PLXDC1: variants seen among roughly 807,000 people sequenced by gnomAD.
PLXDC1 encodes the protein plexin domain-containing protein 1.
In PLXDC1, 39 loss-of-function variants were observed where a neutral mutation model predicts 61.3. The ratio of observed to expected loss-of-function variants is 0.64; its 90% CI spans 0.49 to 0.83. The LOEUF (loss-of-function observed/expected upper bound fraction) is 0.83, where lower values mean the gene tolerates loss of function less well. PLXDC1 is among the 40% of genes least tolerant of loss of function. The pLI, the probability that PLXDC1 is intolerant of heterozygous loss-of-function variation, is 0.00. For missense variants in PLXDC1, 596 were observed against 666.5 expected (o/e 0.89, Z 1.17); for synonymous variants, 212 against 254.5 (o/e 0.83, Z 1.59).
rs1028536683 is a variant in PLXDC1, at chr17:39,065,474, C to T, written c.*2366G>A. ...AGTACAGTGGCATGATTATGACCCCCCACTGCAGCCTCAACCTCCCGGGCT... is the reference window on the plus strand; with the variant it reads ...AGTACAGTGGCATGATTATGACCCCTCACTGCAGCCTCAACCTCCCGGGCT... On this transcript the variant is annotated 3_prime_UTR_variant, in exon 14 of 14. Transcript: ENST00000315392. 3 of 150,904 alleles carry T rather than the reference C, an allele frequency of 2.0e-5. No individual in the cohort carries two copies. Among genetic ancestry groups the T allele is most frequent in the African/African-American group, 4.9e-5 (2 of 40,880 alleles). 9.3% of individuals were successfully genotyped at this position (150,904 alleles called of 1,614,324 possible).
In PLXDC1 at chr17:39,067,902, A is replaced by G; in HGVS notation, c.1441T>C (p.Tyr481His). Residue 481 changes from tyrosine to histidine, a missense_variant, in exon 14 of 14, where the codon TAT becomes CAT. Coordinates refer to ENST00000315392, the MANE Select transcript of PLXDC1 (RefSeq NM_020405.5). ...TGGCCCGAGGGCTCCACCTCCGCAT[A>G]GGTGGAATGGTCAGGGTGGCTGCGA... is the stretch of plus-strand genomic sequence containing the variant. ...KFRSHPDHST[Y>H]AEVEPSGHEK... is the part of the protein sequence containing the mutation. 6.2e-7 allele frequency: 1 copy of G among 1,614,002 alleles called. No homozygotes were observed. Among genetic ancestry groups the G allele is most frequent in the Non-Finnish European group, 8.5e-7 (1 of 1,179,876 alleles).
chr17:39,075,347 G>A (rs62076607), intron 11 of PLXDC1, among the ~76,000 whole-genome samples: 33,254 of 152,188 alleles, frequency 0.22, 4,742 homozygotes, highest in Admixed American at 0.39. Context: ...CAACTTCAGA[G>A]TAATGGGAGC....
Position 39,070,005 on chromosome 17 carries a change from T to G in PLXDC1, c.1234A>C (p.Asn412His), listed in dbSNP as rs1481737576. Reference protein sequence around the residue: ...PYAGGDGLQNNLSPKTKGTPV... With the variant: ...PYAGGDGLQNHLSPKTKGTPV... ...GTGCCCTTTGTCTTGGGGGACAGGT[T>G]GTTCTGAAGGCCTGTGGAGAGATCA... The change falls in exon 13 of 14, where the codon AAC (asparagine) becomes CAC (histidine). Residue 412 changes from asparagine to histidine, a missense_variant. Physicochemically the swap from Asn to His is moderately conservative, Grantham distance 68. Coordinates refer to ENST00000315392, the MANE Select transcript of PLXDC1 (RefSeq NM_020405.5). The G allele has an allele frequency of 1.2e-6, 2 of 1,613,804 alleles. No individual in the cohort carries two copies. The highest frequency in any genetic ancestry group is 1.7e-5 in the Admixed American group (1 of 60,006).
intron 9 of PLXDC1, 29 bp from the exon 10 acceptor site, chr17:39,079,193 T>C (rs904442878): frequency 5.0e-6 from 8 of 1,595,890 alleles, no homozygotes; most frequent in Middle Eastern, 1.7e-4. Flanking sequence ...GACAGAGTTA[T>C]GATGGGATTG....
At chr17:39,119,014 A>C (rs1267865155) in intron 2 of PLXDC1, among the ~76,000 whole-genome samples, 1 of 152,224 alleles carries the variant, frequency 6.6e-6, no homozygotes, top group African/African-American at 2.4e-5. Context: ...CCTTATATAC[A>C]TTTGGCTTCA....
At chr17:39,136,289 TG>T (rs1911750748) in intron 2 of PLXDC1, among the ~76,000 whole-genome samples, 1 of 152,198 alleles carries the variant, frequency 6.6e-6, no homozygotes, top group Non-Finnish European at 1.5e-5. Flanking sequence ...GGCACCTACC[TG>T]GGGTACAACA....
At chr17:39,152,019 G>C (rs974629666), upstream of PLXDC1, among the ~76,000 whole-genome samples, 7 of 152,016 alleles carry the variant, frequency 4.6e-5, no homozygotes, top group Non-Finnish European at 1.0e-4. Context: ...GCTCCTCCAA[G>C]CTCTGCGACT....
rs1185646620 is a variant in PLXDC1, at chr17:39,079,178, A to T, written c.990-14T>A. ...CCACTGGAGCATCTGCAGGAGGACC[A>T]AAAGGACAGAGTTATGATGGGATTG... is the stretch of plus-strand genomic sequence containing the variant. On this transcript the variant is annotated splice_polypyrimidine_tract_variant and intron_variant, in intron 9 of 13. Transcript: ENST00000315392. 6.2e-7 allele frequency: 1 copy of T among 1,609,862 alleles called. No individual in the cohort carries two copies. Among genetic ancestry groups the T allele is most frequent in the Admixed American group, 1.7e-5 (1 of 60,004 alleles).
At chr17:39,142,536 T>C (rs79730542) in intron 1 of PLXDC1, among the ~76,000 whole-genome samples, 2,317 of 152,270 alleles carry the variant, frequency 0.015, 26 homozygotes, top group Middle Eastern at 0.027. Flanking sequence ...GCATGCTTTT[T>C]TTGAGACAGG....
chr17:39,116,756 C>T (rs1409028408), intron 2 of PLXDC1, among the ~76,000 whole-genome samples: 1 of 152,240 alleles, frequency 6.6e-6, no homozygotes. Flanking sequence ...AGGCATGGAA[C>T]ATGGATGATC....
intron 1 of PLXDC1, among the ~76,000 whole-genome samples, chr17:39,148,687 G>A (rs1463851123): frequency 6.6e-6 from 1 of 151,790 alleles, no homozygotes; most frequent in Non-Finnish European, 1.5e-5. Context: ...CGCCGGCCTC[G>A]GCCTCCCAGA....
intron 2 of PLXDC1, among the ~76,000 whole-genome samples, chr17:39,120,704 G>A (rs923334578): frequency 7.0e-6 from 1 of 142,378 alleles, no homozygotes; most frequent in Non-Finnish European, 1.5e-5. Flanking sequence ...TGATCCTTCC[G>A]CCTCAGCCTC....
intron 7 of PLXDC1, among the ~76,000 whole-genome samples, chr17:39,104,032 G>A (rs1910513305): frequency 6.6e-6 from 1 of 152,254 alleles, no homozygotes; most frequent in African/African-American, 2.4e-5. Context: ...CCAGCATGAG[G>A]ACACTGCTTG....
At chr17:39,102,832 G>T (rs571122892) in intron 7 of PLXDC1, among the ~76,000 whole-genome samples, 67 of 152,188 alleles carry the variant, frequency 4.4e-4, no homozygotes, top group African/African-American at 1.6e-3. Flanking sequence ...GAGAGATGGC[G>T]AACTGAGAGA....
chr17:39,078,140 C>T, intron 10 of PLXDC1, 92 bp from the exon 11 acceptor site: 3 of 1,260,658 alleles, frequency 2.4e-6, no homozygotes, highest in Non-Finnish European at 3.3e-6. Context: ...ATTTATCTGT[C>T]AGCTGCTTCA....
At chr17:39,145,163 C>T (rs73983231) in intron 1 of PLXDC1, among the ~76,000 whole-genome samples, 357 of 152,188 alleles carry the variant, frequency 2.3e-3, no homozygotes, top group African/African-American at 8.2e-3. Flanking sequence ...GGGGCAGCCC[C>T]GGGGTGGGGC....
intron 1 of PLXDC1, among the ~76,000 whole-genome samples, chr17:39,150,502 AT>A (rs1452228025): frequency 2.0e-5 from 3 of 152,010 alleles, no homozygotes; most frequent in African/African-American, 7.3e-5. Flanking sequence ...CAAATTACCC[AT>A]CTCCCCAACC....
chr17:39,135,773 AAACAACAAC>A (rs374132487), intron 2 of PLXDC1, among the ~76,000 whole-genome samples: 4 of 151,998 alleles, frequency 2.6e-5, no homozygotes, highest in Non-Finnish European at 5.9e-5. Flanking sequence ...GGGGAACTTG[AAACAACAAC>A]AACAACAACA....
chr17:39,088,959 AAAAAAGAG>A (rs1909846254), intron 7 of PLXDC1, among the ~76,000 whole-genome samples: 2 of 135,618 alleles, frequency 1.5e-5, no homozygotes, highest in African/African-American at 2.8e-5. Flanking sequence ...AAAAAAAAAA[AAAAAAGAG>A]AGAGAGAGAA....
Sources: gnomAD v4.1 joint callset for allele counts (sites outside exome capture counted in the v4.1 genomes callset) on GRCh38, gnomAD v4.1.1 for gene constraint, MANE v1.5 for transcripts, NCBI Gene and HGNC (gene_info 2026-07-23, HGNC 2026-07-21) for gene names.